The following DENND1B variants were observed in gnomAD, a reference collection of about 807,000 sequenced individuals.
DENND1B encodes the protein DENN domain-containing protein 1B.
In DENND1B, 59 loss-of-function variants were observed where a neutral mutation model predicts 90.1. The observed-to-expected ratio is 0.65, with a 90% CI of 0.53 to 0.81. DENND1B has a LOEUF of 0.81. Among genes scored for constraint, DENND1B ranks in the 40% least tolerant of loss-of-function variants. DENND1B has a pLI of 0.00. For synonymous variants in DENND1B, 337 were observed against 324.6 expected (o/e 1.04, Z -0.41); for missense variants, 862 against 912.6 (o/e 0.94, Z 0.71).
At chr1:197,723,669 G>A (rs1482671901) in intron 2 of DENND1B, among the ~76,000 whole-genome samples, 1 of 152,150 alleles carries the variant, frequency 6.6e-6, no homozygotes, top group African/African-American at 2.4e-5. Flanking sequence ...ATACCTTTGA[G>A]TCAGCTAAGA....
chr1:197,751,871 AGGAGGAGGAGGAGGAG>A (rs1406772541), intron 2 of DENND1B, among the ~76,000 whole-genome samples: 1 of 136,920 alleles, frequency 7.3e-6, no homozygotes, highest in African/African-American at 2.6e-5. Context: ...CAGGGGAAGA[AGGAGGAGGAGGAGGAG>A]GGAGGAGGAG....
At chr1:197,774,193 A>G (rs1656978538) in intron 1 of DENND1B, among the ~76,000 whole-genome samples, 2 of 152,170 alleles carry the variant, frequency 1.3e-5, no homozygotes. Context: ...ACACTGAAGA[A>G]AATAATTCTA....
chr1:197,736,789 G>T (rs922471958), intron 2 of DENND1B, among the ~76,000 whole-genome samples: 1 of 152,102 alleles, frequency 6.6e-6, no homozygotes, highest in African/African-American at 2.4e-5. Context: ...TAGCCCCAAG[G>T]CTCTACTGAT....
chr1:197,736,216 T>G (rs749130890), intron 2 of DENND1B: 7 of 426,784 alleles, frequency 1.6e-5, no homozygotes, highest in Non-Finnish European at 3.0e-5. Context: ...AAGCTCAATT[T>G]TAAGCTGCAG....
intron 15 of DENND1B, 66 bp downstream of exon 15, chr1:197,583,086 G>A: frequency 7.1e-7 from 1 of 1,406,136 alleles, no homozygotes; most frequent in South Asian, 1.2e-5. Flanking sequence ...TAGTTTTATA[G>A]TAATACAAAT....
chr1:197,588,906 A>C (rs1201647071), intron 14 of DENND1B, among the ~76,000 whole-genome samples: 1 of 152,118 alleles, frequency 6.6e-6, no homozygotes, highest in Non-Finnish European at 1.5e-5. Flanking sequence ...GCATCAAAAT[A>C]TTCTATTTGT....
At chr1:197,575,766 G>T (rs1037730910) in intron 15 of DENND1B, among the ~76,000 whole-genome samples, 3 of 152,184 alleles carry the variant, frequency 2.0e-5, no homozygotes, top group Non-Finnish European at 4.4e-5. Flanking sequence ...AAAAGGATGA[G>T]TTCATGTCCT....
At chr1:197,757,605 A>G (rs974065909) in intron 2 of DENND1B, among the ~76,000 whole-genome samples, 1 of 152,184 alleles carries the variant, frequency 6.6e-6, no homozygotes, top group Non-Finnish European at 1.5e-5. Flanking sequence ...GTCTGACAAA[A>G]TATAAACTTC....
intron 2 of DENND1B, among the ~76,000 whole-genome samples, chr1:197,754,633 C>G (rs1164910083): frequency 1.6e-5 from 2 of 126,670 alleles, no homozygotes; most frequent in Non-Finnish European, 3.2e-5. Context: ...GCACTCTAGC[C>G]TGGGCAACAA....
chr1:197,758,512 A>G (rs1998598), intron 2 of DENND1B, among the ~76,000 whole-genome samples: 38,992 of 152,170 alleles, frequency 0.26, 5,513 homozygotes, highest in Middle Eastern at 0.38. Context: ...TTTGACTCTC[A>G]TAACAATTAG....
the DENND1B span, among the ~76,000 whole-genome samples, chr1:197,781,255 T>A: frequency 6.6e-6 from 1 of 152,188 alleles, no homozygotes; most frequent in Non-Finnish European, 1.5e-5. Flanking sequence ...AACTTAGAAA[T>A]GAATTTTTTG....
intron 3 of DENND1B, among the ~76,000 whole-genome samples, chr1:197,714,278 A>C (rs1660405665): frequency 6.6e-6 from 1 of 152,006 alleles, no homozygotes; most frequent in South Asian, 2.1e-4. Context: ...CAGCCTTATC[A>C]ATTTTTAAAA....
chr1:197,599,515 T>C (rs1374159777), intron 13 of DENND1B, among the ~76,000 whole-genome samples: 1 of 151,888 alleles, frequency 6.6e-6, no homozygotes, highest in Non-Finnish European at 1.5e-5. Context: ...CTCTAAAAAC[T>C]ACATACATTT....
intron 3 of DENND1B, among the ~76,000 whole-genome samples, chr1:197,677,975 A>T (rs2125993707): frequency 6.6e-6 from 1 of 152,306 alleles, no homozygotes; most frequent in African/African-American, 2.4e-5. Context: ...AGCAGTGTTC[A>T]GTGAAGGAAG....
intron 2 of DENND1B, among the ~76,000 whole-genome samples, chr1:197,744,882 C>G (rs1242735391): frequency 6.6e-6 from 1 of 152,240 alleles, no homozygotes. Flanking sequence ...TTCTGGATAA[C>G]TTGCTACAGC....
At chr1:197,760,266 A>G (rs1654866402) in intron 2 of DENND1B, among the ~76,000 whole-genome samples, 1 of 152,202 alleles carries the variant, frequency 6.6e-6, no homozygotes, top group Admixed American at 6.5e-5. Flanking sequence ...AGAAAATTTG[A>G]TATGAATGCC....
intron 2 of DENND1B, among the ~76,000 whole-genome samples, chr1:197,716,567 A>G (rs932378594): frequency 3.9e-5 from 6 of 151,904 alleles, no homozygotes; most frequent in African/African-American, 1.4e-4. Flanking sequence ...AGTTTTACCA[A>G]AATGGTAGCT....
At chr1:197,538,587 C>T (rs896684502) in intron 20 of DENND1B, among the ~76,000 whole-genome samples, 1 of 150,514 alleles carries the variant, frequency 6.6e-6, no homozygotes, top group African/African-American at 2.5e-5. Flanking sequence ...TTGTGTTTTC[C>T]TTTTATATAT....
intron 9 of DENND1B, among the ~76,000 whole-genome samples, chr1:197,643,387 C>T (rs1322732793): frequency 6.6e-6 from 1 of 152,040 alleles, no homozygotes; most frequent in Non-Finnish European, 1.5e-5. Flanking sequence ...GAACTCCTGA[C>T]CTCAGATGAT....
Sources: allele counts gnomAD v4.1 joint callset (sites outside exome capture counted in the v4.1 genomes callset), GRCh38; gene constraint gnomAD v4.1.1; transcripts MANE v1.5; gene names NCBI Gene and HGNC (gene_info 2026-07-23, HGNC 2026-07-21).